The following SRGAP3 variants were observed in gnomAD, a reference collection of about 807,000 sequenced individuals.
SRGAP3 encodes the protein SLIT-ROBO Rho GTPase-activating protein 3.
Under a neutral mutation model 121.1 loss-of-function variants are expected in SRGAP3, and 39 were observed. The ratio of observed to expected loss-of-function variants is 0.32; its 90% CI spans 0.25 to 0.42. The LOEUF is 0.42. SRGAP3 is among the 10% of genes least tolerant of loss of function. The probability of loss-of-function intolerance (pLI) is 1.00; values close to 1 mark genes in which losing one functional copy is unlikely to be tolerated. For synonymous variants in SRGAP3, 601 were observed against 570.0 expected (o/e 1.05, Z -0.77); for missense variants, 1,213 against 1,470.6 (o/e 0.82, Z 2.86).
At chr3:9,009,557 G>A (rs1286642168) in intron 18 of SRGAP3, among the ~76,000 whole-genome samples, 1 of 152,042 alleles carries the variant, frequency 6.6e-6, no homozygotes, top group Non-Finnish European at 1.5e-5. Context: ...CATTTTAGTG[G>A]ACCTCTACAA....
chr3:9,223,976 C>G (rs117189275), intron 1 of SRGAP3, among the ~76,000 whole-genome samples: 15 of 152,154 alleles, frequency 9.9e-5, no homozygotes, highest in Non-Finnish European at 1.5e-4. Context: ...GGAGTGAAAT[C>G]GGCTCCAGAT....
chr3:9,106,479 G>C (rs1948421818), intron 2 of SRGAP3, among the ~76,000 whole-genome samples: 1 of 152,164 alleles, frequency 6.6e-6, no homozygotes, highest in Non-Finnish European at 1.5e-5. Context: ...CCCACTATTA[G>C]CGTTTTTTGA....
intron 1 of SRGAP3, among the ~76,000 whole-genome samples, chr3:9,238,232 G>C (rs939285603): frequency 6.6e-6 from 1 of 152,212 alleles, no homozygotes; most frequent in Non-Finnish European, 1.5e-5. Context: ...GGATGGAGGA[G>C]ATGGAGAAGG....
chr3:9,006,941 T>C (rs1439654549), intron 18 of SRGAP3: 6 of 150,050 alleles, frequency 4.0e-5, no homozygotes, highest in African/African-American at 1.2e-4. Flanking sequence ...TAGGCATCAG[T>C]TGGGTATAGA....
upstream of SRGAP3, among the ~76,000 whole-genome samples, chr3:9,253,083 C>G (rs1190313052): frequency 6.6e-6 from 1 of 152,166 alleles, no homozygotes; most frequent in Non-Finnish European, 1.5e-5. Context: ...TTTGCTACAG[C>G]CCCATGAGTC....
Position 9,053,200 on chromosome 3 carries a change from T to A in SRGAP3, c.1150A>T (p.Met384Leu), listed in dbSNP as rs144243118. The A allele has an allele frequency of 6.2e-7, 1 of 1,614,168 alleles. No homozygotes were observed. Among genetic ancestry groups the A allele is most frequent in the East Asian group, 2.2e-5 (1 of 44,888 alleles). ...GTCAGCATGTCCTGTAATGTCTGCATGGTGGCATCCAGGGTTTTCCTAACC... is the reference window on the plus strand; with the variant it reads ...GTCAGCATGTCCTGTAATGTCTGCAAGGTGGCATCCAGGGTTTTCCTAACC... ...EEVRKTLDAT[M>L]QTLQDMLTVE... The change falls in exon 9 of 22, where the codon ATG (methionine) becomes TTG (leucine). Residue 384 changes from methionine to leucine, a missense_variant. Physicochemically the swap from Met to Leu is conservative, Grantham distance 15 (BLOSUM62 2). Transcript: ENST00000383836.
At chr3:9,292,807 C>T (rs953311027) in intron 3 of SRGAP3, 2 of 152,096 alleles carry the variant, frequency 1.3e-5, no homozygotes, top group African/African-American at 4.8e-5. Flanking sequence ...TCCTTCTCCC[C>T]CCATTACTGC....
In SRGAP3 at chr3:9,134,572, GACC is replaced by G. The variant is rs550703369; in HGVS notation, c.68-9658_68-9656del. Among the ~76,000 whole-genome samples, 140 of 152,184 alleles carry G rather than the reference GACC, an allele frequency of 9.2e-4. 1 individual carries two copies. Among genetic ancestry groups the G allele is most frequent in the Non-Finnish European group, 1.6e-3 (107 of 68,008 alleles). ...CAGGGAGGGGAAATGGCTTGCCCAA[GACC>G]ACCAAGAAAGTGGCAAAGCCAGGGC... On this transcript the variant is annotated intron_variant, in intron 1 of 21. Transcript: ENST00000383836.
rs36036357 is a variant in SRGAP3, at chr3:9,362,162, C to CTTT, written n.214+675_214+677dup. On this transcript the variant is annotated intron_variant and non_coding_transcript_variant, in intron 1 of 3. Transcript: ENST00000490889. ...AAATGGCTACCATGCAGGTTCAACT[C>CTTT]TTTTTTTTTTTTTTTTTTTTTTTTT... is the stretch of plus-strand genomic sequence containing the variant. 1.2e-3 allele frequency among the ~76,000 whole-genome samples: 106 copies of CTTT among 90,962 alleles called. 8 individuals are homozygous for CTTT. Among genetic ancestry groups the CTTT allele is most frequent in the African/African-American group, 4.0e-3 (85 of 21,020 alleles). 59.7% of individuals were successfully genotyped at this position (90,962 alleles called of 152,430 possible).
At chr3:9,264,701 A>G (rs1331226150) in intron 3 of SRGAP3, among the ~76,000 whole-genome samples, 1 of 151,460 alleles carries the variant, frequency 6.6e-6, no homozygotes, top group East Asian at 1.9e-4. Context: ...ACTACAGAGC[A>G]CTGCTCAAGG....
chr3:9,069,314 G>A (rs974304358), intron 4 of SRGAP3, among the ~76,000 whole-genome samples: 1 of 152,136 alleles, frequency 6.6e-6, no homozygotes, highest in African/African-American at 2.4e-5. Flanking sequence ...TGGGGAAAGT[G>A]CTGTCAACTG....
chr3:9,066,406 G>T (rs997837318), intron 4 of SRGAP3, among the ~76,000 whole-genome samples: 1 of 152,204 alleles, frequency 6.6e-6, no homozygotes, highest in Non-Finnish European at 1.5e-5. Context: ...GTAAGTCAGA[G>T]AACTCAGAAT....
chr3:9,010,888 TGA>T (rs1399677539), intron 17 of SRGAP3, among the ~76,000 whole-genome samples: 9 of 152,190 alleles, frequency 5.9e-5, no homozygotes, highest in African/African-American at 2.2e-4. Context: ...ATGCAGGCAC[TGA>T]GAGTAGACTG....
intron 8 of SRGAP3, among the ~76,000 whole-genome samples, chr3:9,055,755 A>G (rs1195928795): frequency 1.3e-5 from 2 of 152,146 alleles, no homozygotes; most frequent in African/African-American, 4.8e-5. Flanking sequence ...TCACCCCACA[A>G]CCCAAACATA....
chr3:9,165,880 TTCTGCTCCTTCAGAGCCTTA>T (rs1950770071), intron 1 of SRGAP3, among the ~76,000 whole-genome samples: 1 of 152,222 alleles, frequency 6.6e-6, no homozygotes, highest in Non-Finnish European at 1.5e-5. Context: ...CAGATCTGAA[TTCTGCTCCTTCAGAGCCTTA>T]TCTCAGGTTG....
Position 9,349,028 on chromosome 3 carries a change from G to C in SRGAP3, n.214+13812C>G, listed in dbSNP as rs553995041. 3 of 958,432 alleles carry C rather than the reference G, an allele frequency of 3.1e-6. No individual in the cohort carries two copies. The South Asian group carries it at 3.8e-5, about 12-fold the overall frequency. 59.4% of individuals were successfully genotyped at this position (958,432 alleles called of 1,614,324 possible). A position where few individuals can be genotyped will look rare whatever the true frequency, so the allele number is the denominator to read the frequency against. Reference sequence around the variant, plus strand: ...CCCCCCGGGCATTGTCAAGCATCTGGAGGGCCTCTCTGAAGAGGCTATCAT... The same window carrying C: ...CCCCCCGGGCATTGTCAAGCATCTGCAGGGCCTCTCTGAAGAGGCTATCAT... On this transcript the variant is annotated intron_variant and non_coding_transcript_variant, in intron 1 of 3. Transcript: ENST00000490889.
At chr3:9,124,455 A>C (rs914622368) in intron 2 of SRGAP3, among the ~76,000 whole-genome samples, 3 of 152,182 alleles carry the variant, frequency 2.0e-5, no homozygotes, top group Non-Finnish European at 4.4e-5. Flanking sequence ...GCAACAATTG[A>C]TTGAGCACCT....
At chr3:9,039,147 T>A (rs1944905970) in intron 10 of SRGAP3, among the ~76,000 whole-genome samples, 1 of 152,182 alleles carries the variant, frequency 6.6e-6, no homozygotes, top group Admixed American at 6.5e-5. Flanking sequence ...TCTGTCCTTA[T>A]CGTACCTGAC....
At chr3:9,220,810 G>C (rs1952789015) in intron 1 of SRGAP3, among the ~76,000 whole-genome samples, 1 of 152,146 alleles carries the variant, frequency 6.6e-6, no homozygotes, top group African/African-American at 2.4e-5. Context: ...TTGGCCTTGA[G>C]GTCCCAAGCA....
Sources: gnomAD v4.1 joint callset for allele counts (sites outside exome capture counted in the v4.1 genomes callset) on GRCh38, gnomAD v4.1.1 for gene constraint, MANE v1.5 for transcripts, NCBI Gene and HGNC (gene_info 2026-07-23, HGNC 2026-07-21) for gene names.